Variants in PLD1 observed in about 807,000 individuals in gnomAD.
The protein encoded by PLD1 is phospholipase D1, also known as choline phosphatase 1.
Under a neutral mutation model 137.1 loss-of-function variants are expected in PLD1, and 112 were observed. The observed-to-expected ratio is 0.82, with a 90% confidence interval of 0.70 to 0.96. The LOEUF (loss-of-function observed/expected upper bound fraction) is 0.96, where lower values mean the gene tolerates loss of function less well. Among genes scored for constraint, PLD1 ranks in the 40% least tolerant of loss-of-function variants. The probability of loss-of-function intolerance (pLI) is 0.00; values close to 1 mark genes in which losing one functional copy is unlikely to be tolerated. For synonymous variants in PLD1, 431 were observed against 454.7 expected, an observed-to-expected ratio of 0.95 and a Z score of 0.66; for missense variants, 1,321 against 1,342.0, an observed-to-expected ratio of 0.98 and a Z score of 0.24.
Position 171,735,635 on chromosome 3 carries a change from T to C in PLD1, c.291A>G (p.Val97=). The change falls in exon 4 of 27, where the codon GTA becomes GTG. Residue 97 remains valine, a splice_region_variant and synonymous_variant. Coordinates refer to ENST00000351298, the MANE Select transcript of PLD1 (RefSeq NM_002662.5). ...CAATAGTGTAAAGATTAATACTTGG[T>C]ACCTACAGTGATACATAAAAATGTT... is the stretch of plus-strand genomic sequence containing the variant. ...EVERFTSTTR[V]PSINLYTIEL... 6.7e-7 allele frequency: 1 copy of C among 1,488,226 alleles called. No individual in the cohort carries two copies. Among genetic ancestry groups the C allele is most frequent in the Non-Finnish European group, 9.4e-7 (1 of 1,065,646 alleles). The allele number at this position is 1,488,226 out of a possible 1,614,324, so 92.2% of individuals were successfully genotyped here.
intron 26 of PLD1, among the ~76,000 whole-genome samples, chr3:171,604,612 G>A (rs1264977407): frequency 6.6e-6 from 1 of 152,062 alleles, no homozygotes; most frequent in Admixed American, 6.5e-5. Flanking sequence ...CTACTGTTAC[G>A]CAACTCTTAA....
At chr3:171,751,138 C>T (rs1720627028) in intron 1 of PLD1, among the ~76,000 whole-genome samples, 1 of 152,104 alleles carries the variant, frequency 6.6e-6, no homozygotes, top group African/African-American at 2.4e-5. Flanking sequence ...TAGTTCTCTA[C>T]CTCAAAGCTC....
intron 1 of PLD1, among the ~76,000 whole-genome samples, chr3:171,749,772 A>G (rs539065850): frequency 2.6e-5 from 4 of 152,346 alleles, no homozygotes; most frequent in Middle Eastern, 3.4e-3. Flanking sequence ...CAGAAATCCT[A>G]GAAAGGAGAG....
chr3:171,611,823 T>C (rs1732681825), intron 25 of PLD1, among the ~76,000 whole-genome samples: 1 of 152,186 alleles, frequency 6.6e-6, no homozygotes, highest in South Asian at 2.1e-4. Context: ...CTCACGTCTG[T>C]AATCCCAGTG....
intron 8 of PLD1, among the ~76,000 whole-genome samples, chr3:171,722,847 TC>T: frequency 6.6e-6 from 1 of 152,290 alleles, no homozygotes; most frequent in Non-Finnish European, 1.5e-5. Context: ...TCTTCATTTC[TC>T]TTTTTTTAAT....
intron 23 of PLD1, among the ~76,000 whole-genome samples, chr3:171,631,629 T>C (rs1436885300): frequency 1.3e-5 from 2 of 152,156 alleles, no homozygotes; most frequent in Non-Finnish European, 2.9e-5. Context: ...CACCTTGTTG[T>C]GCCAGTAAAA....
intron 1 of PLD1, among the ~76,000 whole-genome samples, chr3:171,751,434 A>C (rs996693351): frequency 3.3e-5 from 5 of 152,218 alleles, no homozygotes; most frequent in Non-Finnish European, 7.3e-5. Flanking sequence ...AGAATGTATA[A>C]AGAACTCCTA....
chr3:171,645,395 C>T (rs1736118848), intron 21 of PLD1, among the ~76,000 whole-genome samples: 1 of 152,150 alleles, frequency 6.6e-6, no homozygotes, highest in Non-Finnish European at 1.5e-5. Flanking sequence ...TAATAGTTAA[C>T]ACAGTACCTA....
chr3:171,623,895 G>C (rs1733856939), intron 23 of PLD1, among the ~76,000 whole-genome samples: 1 of 148,052 alleles, frequency 6.8e-6, no homozygotes, highest in Non-Finnish European at 1.5e-5. Context: ...ATGGATCAGA[G>C]ATAAAAATGT....
At chr3:171,632,590 TA>T (rs547750406) in intron 23 of PLD1, among the ~76,000 whole-genome samples, 67 of 146,028 alleles carry the variant, frequency 4.6e-4, no homozygotes, top group Middle Eastern at 3.6e-3. Context: ...TGACTCAGGG[TA>T]AAAAAAAAAA....
At position 171,676,792 on chromosome 3, in the gene PLD1, C is replaced by T. The variant is rs776935649; in HGVS notation, c.2038G>A (p.Asp680Asn). 2 of 1,614,196 alleles carry T rather than the reference C, an allele frequency of 1.2e-6. No homozygotes were observed. The highest frequency in any genetic ancestry group is 2.2e-5 in the South Asian group (2 of 91,078). ...TTCCCGTGGACTGCAGAGGCAATGTCATGCCAGGGCATCCGGGGCGTGGAG... is the reference window on the plus strand; with the variant it reads ...TTCCCGTGGACTGCAGAGGCAATGTTATGCCAGGGCATCCGGGGCGTGGAG... Reference protein sequence around the residue: ...RYSTPRMPWHDIASAVHGKAA... With the variant: ...RYSTPRMPWHNIASAVHGKAA... Residue 680 changes from aspartate (D) to asparagine (N), a missense_variant, in exon 18 of 27, where the codon GAC becomes AAC. Physicochemically the swap from Asp to Asn is conservative, Grantham distance 23. Transcript: ENST00000351298.
intron 1 of PLD1, among the ~76,000 whole-genome samples, chr3:171,750,348 G>A (rs1041249225): frequency 5.9e-5 from 9 of 151,840 alleles, no homozygotes; most frequent in Non-Finnish European, 1.0e-4. Context: ...CAGACAGAGG[G>A]GAAAAAAGAT....
chr3:171,676,863 C>A, intron 17 of PLD1, 30 bp from the exon 18 acceptor site: 2 of 1,504,360 alleles, frequency 1.3e-6, no homozygotes, highest in South Asian at 1.1e-5. Flanking sequence ...AAGGATCAGT[C>A]ATTAACTTCA....
chr3:171,635,732 G>C (rs183956339), intron 23 of PLD1, among the ~76,000 whole-genome samples: 2 of 151,966 alleles, frequency 1.3e-5, no homozygotes, highest in East Asian at 3.9e-4. Flanking sequence ...TCACTTCCTT[G>C]ATAATGTTCA....
At chr3:171,664,617 C>T (rs1711895034) in intron 19 of PLD1, among the ~76,000 whole-genome samples, 1 of 120,284 alleles carries the variant, frequency 8.3e-6, no homozygotes, top group Non-Finnish European at 1.7e-5. Context: ...GCCACCATGC[C>T]CAGCTATTTT....
intron 1 of PLD1, among the ~76,000 whole-genome samples, chr3:171,787,267 T>C (rs987021293): frequency 2.0e-4 from 31 of 152,196 alleles, no homozygotes; most frequent in African/African-American, 7.2e-4. Context: ...GTCTGTATGG[T>C]ACATTAGGTG....
intron 21 of PLD1, among the ~76,000 whole-genome samples, chr3:171,656,745 C>T (rs1299625665): frequency 6.6e-6 from 1 of 152,214 alleles, no homozygotes; most frequent in Non-Finnish European, 1.5e-5. Context: ...AGTGTGCTGC[C>T]TAGATCCCCT....
intron 13 of PLD1, among the ~76,000 whole-genome samples, chr3:171,690,432 A>G (rs1456372119): frequency 1.3e-5 from 2 of 151,792 alleles, no homozygotes; most frequent in African/African-American, 4.8e-5. Flanking sequence ...TAGTTCCTCA[A>G]ACTGTAAAGT....
At chr3:171,694,909 T>C (rs1715542734) in intron 12 of PLD1, among the ~76,000 whole-genome samples, 1 of 152,166 alleles carries the variant, frequency 6.6e-6, no homozygotes, top group Admixed American at 6.5e-5. Flanking sequence ...GGAAATAGGG[T>C]AGAGACTTTG....
Sources: allele counts gnomAD v4.1 joint callset (sites outside exome capture counted in the v4.1 genomes callset), GRCh38; gene constraint gnomAD v4.1.1; transcripts MANE v1.5; gene names NCBI Gene and HGNC (gene_info 2026-07-23, HGNC 2026-07-21).